Variants in RORA observed in about 807,000 individuals in gnomAD.
RORA encodes the protein nuclear receptor ROR-alpha.
Under a neutral mutation model 69.5 loss-of-function variants are expected in RORA, and 7 were observed. That is an observed-to-expected ratio of 0.10 (90% CI 0.06 to 0.19). RORA has a LOEUF of 0.19. Among genes scored for constraint, RORA ranks in the 10% least tolerant of loss-of-function variants. The pLI, the probability that RORA is intolerant of heterozygous loss-of-function variation, is 1.00. For synonymous variants in RORA, 261 were observed against 240.8 expected (o/e 1.08, Z -0.78); for missense variants, 457 against 663.0 (o/e 0.69, Z 3.41).
intron 1 of RORA, among the ~76,000 whole-genome samples, chr15:60,834,319 A>AGC (rs2073086232): frequency 6.6e-6 from 1 of 152,150 alleles, no homozygotes; most frequent in Non-Finnish European, 1.5e-5. Context: ...AATTCATGGT[A>AGC]ATAAAGTCTA....
intron 1 of RORA, among the ~76,000 whole-genome samples, chr15:60,947,067 G>T (rs886280538): frequency 4.6e-5 from 4 of 87,158 alleles, no homozygotes; most frequent in Admixed American, 2.5e-4. Flanking sequence ...GGGAGGTGGG[G>T]GGCCAGCCCC....
chr15:60,681,606 T>C (rs1226350529), intron 1 of RORA: 1 of 152,236 alleles, frequency 6.6e-6, no homozygotes, highest in Non-Finnish European at 1.5e-5. Context: ...TTACCCACAC[T>C]TGCCCACCTT....
rs2079161811 is a variant in RORA at position 61,128,461 on chromosome 15, T to G, written c.166+100592A>C. Among the ~76,000 whole-genome samples the G allele has an allele frequency of 6.6e-6, 1 of 152,172 alleles. No individual in the cohort carries two copies. The highest frequency in any genetic ancestry group is 1.9e-4 in the East Asian group (1 of 5,198). ...GTTAACCACTTACAGGGCCAGTCAC[T>G]GGAATTCCCTGGGCATCCACACAAA... On this transcript the variant is annotated intron_variant, in intron 1 of 10. Coordinates refer to ENST00000335670, the MANE Select transcript of RORA (RefSeq NM_134261.3). This position sits in a 1 kb window ranked among gnomAD's most constrained non-coding sequence, Gnocchi z 4.5.
chr15:60,926,257 C>T (rs1566911807), intron 1 of RORA, among the ~76,000 whole-genome samples: 1 of 152,316 alleles, frequency 6.6e-6, no homozygotes, highest in African/African-American at 2.4e-5. Context: ...GGAACAGAAC[C>T]TGGAGCATAA....
intron 2 of RORA, chr15:60,627,355 C>T: frequency 1.9e-6 from 3 of 1,614,196 alleles, no homozygotes; most frequent in Admixed American, 1.7e-5. Context: ...GTCACTGTCT[C>T]CTGGGGCCCC....
intron 1 of RORA, among the ~76,000 whole-genome samples, chr15:60,850,007 G>A (rs888602694): frequency 1.3e-5 from 2 of 152,226 alleles, no homozygotes; most frequent in African/African-American, 2.4e-5. Context: ...TCCCTGGAAA[G>A]ATGCAGGAGC....
At chr15:61,188,377 G>C (rs2079764721) in intron 1 of RORA, among the ~76,000 whole-genome samples, 1 of 152,186 alleles carries the variant, frequency 6.6e-6, no homozygotes, top group South Asian at 2.1e-4. Flanking sequence ...GGGTGGGCCG[G>C]GTTTGACCCA....
chr15:60,717,890 T>C (rs2140819188), intron 1 of RORA, among the ~76,000 whole-genome samples: 1 of 128,616 alleles, frequency 7.8e-6, no homozygotes. Flanking sequence ...ACCTCCACCC[T>C]CAGGGTTCAA....
chr15:60,597,535 AC>A (rs2068695503), intron 2 of RORA, among the ~76,000 whole-genome samples: 1 of 100,568 alleles, frequency 9.9e-6, no homozygotes. Flanking sequence ...ACACACACAC[AC>A]ACACACACAC....
intron 1 of RORA, among the ~76,000 whole-genome samples, chr15:60,881,355 G>T (rs903343573): frequency 6.6e-6 from 1 of 152,230 alleles, no homozygotes; most frequent in African/African-American, 2.4e-5. Flanking sequence ...CCTCTGACCA[G>T]CCCTGCTGGG....
intron 2 of RORA, among the ~76,000 whole-genome samples, chr15:60,567,626 G>C (rs1403321014): frequency 6.6e-6 from 1 of 152,098 alleles, no homozygotes; most frequent in East Asian, 1.9e-4. Context: ...GGCCAGGCTG[G>C]TCTGGAACTC....
chr15:60,751,990 T>C (rs2071729446), intron 1 of RORA, among the ~76,000 whole-genome samples: 1 of 152,084 alleles, frequency 6.6e-6, no homozygotes. Flanking sequence ...GCTGTATGCA[T>C]TTAACCTATC....
intron 1 of RORA, among the ~76,000 whole-genome samples, chr15:60,716,509 T>C (rs898850478): frequency 1.3e-5 from 2 of 152,198 alleles, no homozygotes; most frequent in African/African-American, 4.8e-5. Flanking sequence ...GGAGCTAAGA[T>C]ACTGTGGTGT....
At chr15:61,102,339 C>T (rs1214208103) in intron 1 of RORA, among the ~76,000 whole-genome samples, 1 of 152,154 alleles carries the variant, frequency 6.6e-6, no homozygotes, top group East Asian at 1.9e-4. Flanking sequence ...ATGTCTCTGT[C>T]TCTTCCTTGA....
intron 2 of RORA, chr15:60,615,089 T>C (rs1281436190): frequency 4.4e-6 from 7 of 1,577,390 alleles, no homozygotes; most frequent in Non-Finnish European, 6.1e-6. Context: ...TCCTAGAACC[T>C]GGTGGTGGAT....
At chr15:60,808,574 G>A (rs553129216) in intron 1 of RORA, among the ~76,000 whole-genome samples, 124 of 151,776 alleles carry the variant, frequency 8.2e-4, no homozygotes, top group African/African-American at 2.8e-3. Flanking sequence ...TCTACGCAGA[G>A]GAAAATAAGT....
intron 1 of RORA, among the ~76,000 whole-genome samples, chr15:60,894,892 A>G (rs1891189164): frequency 6.6e-6 from 1 of 152,192 alleles, no homozygotes; most frequent in Non-Finnish European, 1.5e-5. Flanking sequence ...CAAGGCGGGA[A>G]ATGAAATCGC....
At chr15:60,949,962 T>A (rs960485325) in intron 1 of RORA, among the ~76,000 whole-genome samples, 2 of 152,072 alleles carry the variant, frequency 1.3e-5, no homozygotes, top group Non-Finnish European at 2.9e-5. Context: ...AAAGAAGAAC[T>A]TCCCACTCCA....
At chr15:60,693,010 C>G (rs2070851086) in intron 1 of RORA, among the ~76,000 whole-genome samples, 1 of 152,164 alleles carries the variant, frequency 6.6e-6, no homozygotes, top group Non-Finnish European at 1.5e-5. Flanking sequence ...AAGAAAACTT[C>G]AGGCCAATAT....
Sources: gnomAD v4.1 joint callset for allele counts (sites outside exome capture counted in the v4.1 genomes callset) on GRCh38, gnomAD v4.1.1 for gene constraint, Gnocchi (gnomAD v3.1) non-coding constraint, MANE v1.5 for transcripts, NCBI Gene and HGNC (gene_info 2026-07-23, HGNC 2026-07-21) for gene names.